SHANK2: variants seen among roughly 807,000 people sequenced by gnomAD.
The protein encoded by SHANK2 is SH3 and multiple ankyrin repeat domains protein 2.
In SHANK2, 43 loss-of-function variants were observed where a neutral mutation model predicts 133.7. The ratio of observed to expected loss-of-function variants is 0.32; its 90% CI spans 0.25 to 0.41. SHANK2 has a LOEUF of 0.41. Among genes scored for constraint, SHANK2 ranks in the 10% least tolerant of loss-of-function variants. The pLI, the probability that SHANK2 is intolerant of heterozygous loss-of-function variation, is 1.00. For missense variants in SHANK2, 1,994 were observed against 2,235.8 expected, an observed-to-expected ratio of 0.89 and a Z score of 2.18; for synonymous variants, 1,017 against 952.8, an observed-to-expected ratio of 1.07 and a Z score of -1.24.
At chr11:71,133,346 A>ATGGCTGGATGGC (rs1952363316) in intron 3 of SHANK2, among the ~76,000 whole-genome samples, 3 of 111,890 alleles carry the variant, frequency 2.7e-5, no homozygotes, top group Non-Finnish European at 5.4e-5. Flanking sequence ...GGGAGGATGC[A>ATGGCTGGATGGC]TGGCTGGCTG....
At chr11:70,510,949 C>A (rs1414923165) in intron 17 of SHANK2, among the ~76,000 whole-genome samples, 1 of 152,254 alleles carries the variant, frequency 6.6e-6, no homozygotes, top group Admixed American at 6.5e-5. Flanking sequence ...TCCCGTCGAC[C>A]ATGCTGGTCT....
intron 17 of SHANK2, among the ~76,000 whole-genome samples, chr11:70,624,525 C>A (rs145041054): frequency 0.02 from 2,953 of 145,362 alleles, 45 homozygotes; most frequent in Non-Finnish European, 0.032. Context: ...ATGGCCACAA[C>A]CTTCTTCAAA....
intron 17 of SHANK2, among the ~76,000 whole-genome samples, chr11:70,588,262 C>T (rs2060279199): frequency 6.6e-6 from 1 of 152,146 alleles, no homozygotes; most frequent in Non-Finnish European, 1.5e-5. Context: ...CACACAATGG[C>T]CTCTAACTGC....
chr11:70,809,396 G>A (rs540785590), intron 12 of SHANK2, among the ~76,000 whole-genome samples: 23 of 152,304 alleles, frequency 1.5e-4, no homozygotes, highest in Admixed American at 3.9e-4. Flanking sequence ...TTCTAGAAGC[G>A]GATGTGACTA....
chr11:71,167,951 G>C (rs1186090783), intron 2 of SHANK2, among the ~76,000 whole-genome samples: 1 of 146,416 alleles, frequency 6.8e-6, no homozygotes, highest in Non-Finnish European at 1.5e-5. Context: ...TGCCGGACGA[G>C]GTGGCTGCCG....
In SHANK2 at chr11:70,473,868, G is replaced by C. The variant is rs1555149448; in HGVS notation, c.4980-429C>G. The C allele has an allele frequency of 1.6e-5, 5 of 307,630 alleles. No individual in the cohort carries two copies. Among genetic ancestry groups the C allele is most frequent in the Non-Finnish European group, 3.2e-5 (5 of 154,706 alleles). 19.1% of individuals were successfully genotyped at this position (307,630 alleles called of 1,614,324 possible). A position where few individuals can be genotyped will look rare whatever the true frequency, so the allele number is the denominator to read the frequency against. ...GGCACGGAGACAGGGACAGAGTGGG[G>C]TCCTGTCACCTGGGTAGAACGTGCC... On this transcript the variant is annotated intron_variant, in intron 25 of 25. Coordinates refer to ENST00000601538, the MANE Select transcript of SHANK2 (RefSeq NM_012309.5). This position sits in a 1 kb window ranked among gnomAD's most constrained non-coding sequence, Gnocchi z 5.9.
intron 3 of SHANK2, among the ~76,000 whole-genome samples, chr11:71,144,289 A>C (rs1388171652): frequency 6.6e-5 from 10 of 152,240 alleles, no homozygotes; most frequent in African/African-American, 1.9e-4. Flanking sequence ...TCCTGGGCTC[A>C]GACCTCCACT....
At chr11:70,736,080 C>T (rs1555033473) in intron 14 of SHANK2, among the ~76,000 whole-genome samples, 1 of 151,400 alleles carries the variant, frequency 6.6e-6, no homozygotes, top group Non-Finnish European at 1.5e-5. Context: ...AAGCCTGACC[C>T]AGGTCTGAGG....
intron 17 of SHANK2, among the ~76,000 whole-genome samples, chr11:70,627,099 C>T (rs1379120846): frequency 6.6e-6 from 1 of 152,172 alleles, no homozygotes; most frequent in Non-Finnish European, 1.5e-5. Context: ...AGTGTCTCCT[C>T]TCACAGCTCG....
At chr11:70,638,904 G>A (rs1333257708) in intron 17 of SHANK2, among the ~76,000 whole-genome samples, 3 of 152,122 alleles carry the variant, frequency 2.0e-5, no homozygotes, top group African/African-American at 7.2e-5. Context: ...GGCTGAGGCA[G>A]GAGAAGCATT....
intron 2 of SHANK2, among the ~76,000 whole-genome samples, chr11:71,215,123 C>T (rs1038283488): frequency 2.6e-5 from 4 of 152,216 alleles, no homozygotes; most frequent in Admixed American, 6.5e-5. Context: ...CCCCGATGTG[C>T]GATGTCCTTC....
chr11:70,763,924 T>C (rs952085930), intron 14 of SHANK2, among the ~76,000 whole-genome samples: 1 of 152,132 alleles, frequency 6.6e-6, no homozygotes, highest in Non-Finnish European at 1.5e-5. Context: ...TTTAAAAGGG[T>C]GGAATGTATG....
intron 2 of SHANK2, among the ~76,000 whole-genome samples, chr11:71,197,690 G>A (rs1445889900): frequency 1.3e-5 from 2 of 152,098 alleles, no homozygotes; most frequent in South Asian, 4.1e-4. Flanking sequence ...TCGCTCTGTC[G>A]CCCAGGCTGG....
intron 10 of SHANK2, among the ~76,000 whole-genome samples, chr11:70,901,437 G>C (rs979634010): frequency 5.9e-5 from 9 of 152,222 alleles, no homozygotes; most frequent in Admixed American, 6.5e-5. Context: ...GACTAGTCCT[G>C]TAAGAACGGA....
intron 10 of SHANK2, among the ~76,000 whole-genome samples, chr11:70,918,053 C>G (rs1471072044): frequency 6.7e-6 from 1 of 150,164 alleles, no homozygotes; most frequent in Non-Finnish European, 1.5e-5. Flanking sequence ...TTAAATAAGG[C>G]CAACAGATGA....
intron 11 of SHANK2, among the ~76,000 whole-genome samples, chr11:70,827,825 G>A (rs1948668541): frequency 6.6e-6 from 1 of 152,068 alleles, no homozygotes; most frequent in African/African-American, 2.4e-5. Context: ...AAAAATGGCG[G>A]TGTGAGAACA....
At chr11:70,631,410 C>CA (rs1555002193) in intron 17 of SHANK2, among the ~76,000 whole-genome samples, 13 of 69,238 alleles carry the variant, frequency 1.9e-4, no homozygotes, top group South Asian at 4.9e-4. Context: ...ACACACACAC[C>CA]CACACAACCT....
chr11:70,517,032 C>T (rs552047489), intron 17 of SHANK2, among the ~76,000 whole-genome samples: 1 of 152,192 alleles, frequency 6.6e-6, no homozygotes, highest in South Asian at 2.1e-4. Flanking sequence ...CAGATGGTGC[C>T]ACTGCACTCC....
intron 14 of SHANK2, among the ~76,000 whole-genome samples, chr11:70,752,622 C>T (rs1379841220): frequency 8.6e-5 from 13 of 150,762 alleles, no homozygotes; most frequent in African/African-American, 2.5e-4. Context: ...AGGAGAATGG[C>T]GTGAACCCGG....
Sources: allele counts gnomAD v4.1 joint callset (sites outside exome capture counted in the v4.1 genomes callset), GRCh38; gene constraint gnomAD v4.1.1; non-coding constraint Gnocchi (gnomAD v3.1); transcripts MANE v1.5; gene names NCBI Gene and HGNC (gene_info 2026-07-23, HGNC 2026-07-21).